Variants in SLC35F3 observed in about 807,000 individuals in gnomAD.
SLC35F3 encodes putative thiamine transporter SLC35F3.
SLC35F3 carries 25 observed loss-of-function variants against 49.9 expected under a neutral mutation model. That is an observed-to-expected ratio of 0.50 (90% CI 0.37 to 0.70). The LOEUF (loss-of-function observed/expected upper bound fraction) is 0.70. Ranked by LOEUF, SLC35F3 falls within the 30% of genes least tolerant of loss-of-function variation. The pLI is 0.00. For synonymous variants in SLC35F3, 275 were observed against 265.4 expected, an observed-to-expected ratio of 1.04 and a Z score of -0.35; for missense variants, 525 against 639.8, an observed-to-expected ratio of 0.82 and a Z score of 1.94.
intron 2 of SLC35F3, among the ~76,000 whole-genome samples, chr1:234,092,687 G>A (rs1168985917): frequency 6.6e-6 from 1 of 151,938 alleles, no homozygotes; most frequent in African/African-American, 2.4e-5. Context: ...GGACAACATA[G>A]CAAGATCCCA....
Position 234,250,379 on chromosome 1 carries a change from G to A in SLC35F3, c.608+18638G>A, listed in dbSNP as rs192338143. ...AAAGAAAAGAAGTTCCTTGGGCCGGGCGCGGTGGCTCACGCCTGTAATCCC... is the reference window on the plus strand; with the variant it reads ...AAAGAAAAGAAGTTCCTTGGGCCGGACGCGGTGGCTCACGCCTGTAATCCC... On this transcript the variant is annotated intron_variant, in intron 3 of 7. Coordinates refer to ENST00000366618, the MANE Select transcript of SLC35F3 (RefSeq NM_173508.4). 6.3e-3 allele frequency among the ~76,000 whole-genome samples: 955 copies of A among 152,348 alleles called. 8 individuals are homozygous for A. Among genetic ancestry groups the A allele is most frequent in the African/African-American group, 0.022 (901 of 41,580 alleles).
At chr1:234,073,599 C>A (rs1664752021) in intron 2 of SLC35F3, among the ~76,000 whole-genome samples, 1 of 152,232 alleles carries the variant, frequency 6.6e-6, no homozygotes, top group African/African-American at 2.4e-5. Flanking sequence ...TCACCTACCT[C>A]CCGGTTCCTT....
chr1:234,173,204 C>G (rs1322781603), intron 2 of SLC35F3, among the ~76,000 whole-genome samples: 1 of 152,154 alleles, frequency 6.6e-6, no homozygotes, highest in Non-Finnish European at 1.5e-5. Context: ...TTCCAGCTCC[C>G]TCGTGGAAGC....
chr1:233,981,347 C>T (rs933118155), intron 2 of SLC35F3, among the ~76,000 whole-genome samples: 3 of 152,216 alleles, frequency 2.0e-5, no homozygotes, highest in African/African-American at 7.2e-5. Context: ...TACACAATCA[C>T]TAATCTCTTC....
At chr1:234,314,151 C>T (rs902170094) in intron 4 of SLC35F3, among the ~76,000 whole-genome samples, 3 of 152,148 alleles carry the variant, frequency 2.0e-5, no homozygotes, top group East Asian at 3.9e-4. Flanking sequence ...AGGAGGAGAT[C>T]AGAGTCCCCC....
intron 2 of SLC35F3, among the ~76,000 whole-genome samples, chr1:234,203,201 T>C (rs1666924876): frequency 6.6e-6 from 1 of 152,210 alleles, no homozygotes; most frequent in Non-Finnish European, 1.5e-5. Context: ...TTAATAAATA[T>C]ACTTATAAAA....
chr1:233,905,280 T>C (rs1661753583), intron 1 of SLC35F3, 150 bp downstream of exon 1: 2 of 915,278 alleles, frequency 2.2e-6, no homozygotes, highest in Non-Finnish European at 3.3e-6. Flanking sequence ...TCAGTCATTC[T>C]TTCCCTCGCC....
chr1:234,226,277 A>G (rs1204975979), intron 2 of SLC35F3, among the ~76,000 whole-genome samples: 5 of 152,272 alleles, frequency 3.3e-5, no homozygotes, highest in South Asian at 2.1e-4. Context: ...TCTCCTTTAC[A>G]TTTGAAAGGC....
chr1:233,980,851 G>T (rs2102821848), intron 2 of SLC35F3, among the ~76,000 whole-genome samples: 1 of 152,224 alleles, frequency 6.6e-6, no homozygotes, highest in South Asian at 2.1e-4. Context: ...TTGGGCATTT[G>T]GTGACAAGCA....
At chr1:233,992,841 T>A (rs891790314) in intron 2 of SLC35F3, among the ~76,000 whole-genome samples, 2 of 152,026 alleles carry the variant, frequency 1.3e-5, no homozygotes, top group Admixed American at 1.3e-4. Context: ...GAGTGAGATG[T>A]GAAGCAAAGG....
intron 3 of SLC35F3, among the ~76,000 whole-genome samples, chr1:234,281,052 C>T (rs1484417891): frequency 6.6e-6 from 1 of 151,816 alleles, no homozygotes; most frequent in East Asian, 1.9e-4. Flanking sequence ...CTACTGTGTT[C>T]TTATGTGAGT....
chr1:233,998,061 T>C (rs1663489873), intron 2 of SLC35F3, among the ~76,000 whole-genome samples: 1 of 152,146 alleles, frequency 6.6e-6, no homozygotes, highest in Admixed American at 6.6e-5. Flanking sequence ...CCGTATTTTC[T>C]TCGAGTCTAT....
chr1:234,026,303 T>C (rs978325150), intron 2 of SLC35F3, among the ~76,000 whole-genome samples: 1 of 152,212 alleles, frequency 6.6e-6, no homozygotes, highest in Admixed American at 6.5e-5. Flanking sequence ...TCAGTATGAA[T>C]TTTAGAATAG....
intron 2 of SLC35F3, among the ~76,000 whole-genome samples, chr1:234,136,419 T>C (rs970626022): frequency 6.6e-6 from 1 of 151,944 alleles, no homozygotes; most frequent in African/African-American, 2.4e-5. Flanking sequence ...CTATGTTGCC[T>C]GGGCTGGCTG....
intron 2 of SLC35F3, among the ~76,000 whole-genome samples, chr1:234,160,200 T>A (rs1017989186): frequency 1.3e-5 from 2 of 152,136 alleles, no homozygotes; most frequent in Non-Finnish European, 2.9e-5. Flanking sequence ...AGGACAGAAA[T>A]ATATAGCAGG....
At chr1:234,069,016 A>T (rs1248316005) in intron 2 of SLC35F3, among the ~76,000 whole-genome samples, 5 of 123,084 alleles carry the variant, frequency 4.1e-5, no homozygotes, top group African/African-American at 1.6e-4. Context: ...TAATTTTACT[A>T]TATATAATAT....
chr1:234,169,806 C>T (rs113198584), intron 2 of SLC35F3, among the ~76,000 whole-genome samples: 2,330 of 152,186 alleles, frequency 0.015, 18 homozygotes, highest in Non-Finnish European at 0.024. Context: ...CTCACTCTGT[C>T]TCCCAGGCTG....
chr1:234,248,483 T>C (rs2102961600), intron 3 of SLC35F3, among the ~76,000 whole-genome samples: 1 of 151,856 alleles, frequency 6.6e-6, no homozygotes, highest in East Asian at 1.9e-4. Flanking sequence ...TGGTGCATTG[T>C]TTGGTGGGTT....
chr1:234,235,704 T>C (rs1401954472), intron 3 of SLC35F3, among the ~76,000 whole-genome samples: 1 of 152,268 alleles, frequency 6.6e-6, no homozygotes, highest in Non-Finnish European at 1.5e-5. Flanking sequence ...CAGATGTTTT[T>C]CTCTGCCTTT....
Sources: allele counts gnomAD v4.1 joint callset (sites outside exome capture counted in the v4.1 genomes callset), GRCh38; gene constraint gnomAD v4.1.1; transcripts MANE v1.5; gene names NCBI Gene and HGNC (gene_info 2026-07-23, HGNC 2026-07-21).